ENOX1: variants seen among roughly 807,000 people sequenced by gnomAD.
ENOX1 encodes the protein ecto-NOX disulfide-thiol exchanger 1.
Under a neutral mutation model 82.5 loss-of-function variants are expected in ENOX1, and 42 were observed. The ratio of observed to expected loss-of-function variants is 0.51; its 90% CI spans 0.40 to 0.66. The LOEUF (loss-of-function observed/expected upper bound fraction) is 0.66, where lower values mean the gene tolerates loss of function less well. Among genes scored for constraint, ENOX1 ranks in the 30% least tolerant of loss-of-function variants. The pLI is 0.00. For synonymous variants in ENOX1, 271 were observed against 282.2 expected (o/e 0.96, Z 0.40); for missense variants, 608 against 811.6 (o/e 0.75, Z 3.05).
intron 8 of ENOX1, 87 bp downstream of exon 8, chr13:43,355,832 G>T: frequency 1.6e-6 from 2 of 1,277,036 alleles, no homozygotes; most frequent in South Asian, 2.7e-5. Flanking sequence ...GTGCTGAAGG[G>T]ACAATGGTGG....
chr13:43,604,146 G>A (rs2081872719), intron 2 of ENOX1, among the ~76,000 whole-genome samples: 2 of 150,972 alleles, frequency 1.3e-5, no homozygotes, highest in South Asian at 4.2e-4. Context: ...CAGTGATGGC[G>A]AGCATTTTTT....
chr13:43,658,375 A>G (rs2084549006), intron 2 of ENOX1, among the ~76,000 whole-genome samples: 1 of 152,150 alleles, frequency 6.6e-6, no homozygotes, highest in Admixed American at 6.5e-5. Flanking sequence ...TGACCTCCCA[A>G]TGAGGAAGAT....
intron 1 of ENOX1, among the ~76,000 whole-genome samples, chr13:43,740,984 T>C (rs1468777302): frequency 1.3e-5 from 2 of 152,190 alleles, no homozygotes. Context: ...TTTTCAGTTC[T>C]CTCGGGTAAA....
chr13:43,610,441 T>C (rs1446983202), intron 2 of ENOX1, among the ~76,000 whole-genome samples: 2 of 152,204 alleles, frequency 1.3e-5, no homozygotes, highest in Non-Finnish European at 2.9e-5. Flanking sequence ...CCATTCAAAA[T>C]GATATTTTTA....
intron 1 of ENOX1, among the ~76,000 whole-genome samples, chr13:43,776,324 G>T (rs1951916309): frequency 1.3e-5 from 2 of 152,158 alleles, no homozygotes; most frequent in African/African-American, 4.8e-5. Flanking sequence ...AAAAAGAGGT[G>T]CTTGGAAACC....
intron 2 of ENOX1, among the ~76,000 whole-genome samples, chr13:43,515,065 C>A (rs1163444100): frequency 6.6e-6 from 1 of 152,122 alleles, no homozygotes; most frequent in Non-Finnish European, 1.5e-5. Flanking sequence ...AATATTAACC[C>A]CACAGAAAGA....
intron 14 of ENOX1, among the ~76,000 whole-genome samples, 159 bp downstream of exon 14, chr13:43,265,239 G>A (rs1566372384): frequency 6.6e-6 from 1 of 152,234 alleles, no homozygotes; most frequent in Non-Finnish European, 1.5e-5. Flanking sequence ...CAATAGCAGT[G>A]CCTGTCAATC....
intron 5 of ENOX1, among the ~76,000 whole-genome samples, chr13:43,402,133 TTATAAA>T (rs1450289356): frequency 2.6e-5 from 4 of 152,124 alleles, no homozygotes; most frequent in Admixed American, 2.6e-4. Flanking sequence ...AAAACAGCTA[TTATAAA>T]TATACTCCAT....
chr13:43,234,293 T>A (rs2042420265), intron 15 of ENOX1, among the ~76,000 whole-genome samples: 1 of 152,138 alleles, frequency 6.6e-6, no homozygotes, highest in South Asian at 2.1e-4. Context: ...AGAGTAGAAG[T>A]ATATAGATGT....
intron 5 of ENOX1, among the ~76,000 whole-genome samples, chr13:43,407,774 T>C (rs1013346912): frequency 1.3e-5 from 2 of 151,924 alleles, no homozygotes; most frequent in East Asian, 3.9e-4. Flanking sequence ...CCACTCTACC[T>C]TACAACAGTG....
chr13:43,715,139 G>A (rs1311939599), intron 1 of ENOX1, among the ~76,000 whole-genome samples: 2 of 152,108 alleles, frequency 1.3e-5, no homozygotes, highest in Admixed American at 6.5e-5. Context: ...TTGCTTGTCT[G>A]TAAAGTATTT....
At chr13:43,560,771 C>T (rs773360102) in intron 2 of ENOX1, among the ~76,000 whole-genome samples, 10 of 152,220 alleles carry the variant, frequency 6.6e-5, no homozygotes, top group South Asian at 2.1e-4. Flanking sequence ...GATTGTATGG[C>T]GCCAGCCATC....
rs1593950447 is a variant in ENOX1, at chr13:43,326,322, G to T, written c.1143+97C>A. The T allele has an allele frequency of 3.1e-6, 3 of 967,840 alleles. No individual in the cohort carries two copies. The Admixed American group carries it at 6.3e-5, about 20-fold the overall frequency. The allele number at this position is 967,840 out of a possible 1,614,324, so 60.0% of individuals were successfully genotyped here. Reference sequence around the variant, plus strand: ...GAGATCAGACAATGGCAGGCGGACTGCCCACTATAACAGAAACCATCATGG... The same window carrying T: ...GAGATCAGACAATGGCAGGCGGACTTCCCACTATAACAGAAACCATCATGG... On this transcript the variant is annotated intron_variant, in intron 10 of 16. Coordinates refer to ENST00000690772, the MANE Select transcript of ENOX1 (RefSeq NM_001347969.2).
Position 43,699,991 on chromosome 13 carries a change from A to G in ENOX1, c.-284-32447T>C, listed in dbSNP as rs143192966. ...TTCTTCTATTTTGAACTATATATTA[A>G]TTGTTCATTATAGTCACCCTACTGT... is the stretch of plus-strand genomic sequence containing the variant. On this transcript the variant is annotated intron_variant, in intron 1 of 16. Transcript: ENST00000690772. Among the ~76,000 whole-genome samples the G allele has an allele frequency of 1.3e-3, 196 of 152,240 alleles. 4 individuals carry two copies. The East Asian group carries it at 0.036, about 28-fold the overall frequency.
chr13:43,561,567 C>G (rs2079669584), intron 2 of ENOX1, among the ~76,000 whole-genome samples: 1 of 152,050 alleles, frequency 6.6e-6, no homozygotes, highest in Non-Finnish European at 1.5e-5. Context: ...TGTGGCATAT[C>G]AATATAGTAA....
intron 2 of ENOX1, among the ~76,000 whole-genome samples, chr13:43,624,093 T>G (rs1004652182): frequency 1.3e-5 from 2 of 152,216 alleles, no homozygotes; most frequent in African/African-American, 4.8e-5. Context: ...CATTTGATGT[T>G]GTCAGTAGTT....
intron 12 of ENOX1, among the ~76,000 whole-genome samples, chr13:43,290,469 G>A (rs2045936644): frequency 6.6e-6 from 1 of 152,058 alleles, no homozygotes. Flanking sequence ...TGTAGTTGGA[G>A]GCCTTAATCC....
chr13:43,457,653 G>A (rs750108582), intron 3 of ENOX1, among the ~76,000 whole-genome samples: 8 of 152,038 alleles, frequency 5.3e-5, no homozygotes, highest in East Asian at 3.9e-4. Context: ...GATAAATTTC[G>A]GAAAATCATC....
chr13:43,292,623 T>TA (rs34528970), intron 12 of ENOX1, among the ~76,000 whole-genome samples: 55,140 of 149,030 alleles, frequency 0.37, 10,152 homozygotes, highest in South Asian at 0.54. Flanking sequence ...GGACAAGGTT[T>TA]AAAAAAAAAA....
Sources: gnomAD v4.1 joint callset for allele counts (sites outside exome capture counted in the v4.1 genomes callset) on GRCh38, gnomAD v4.1.1 for gene constraint, MANE v1.5 for transcripts, NCBI Gene and HGNC (gene_info 2026-07-23, HGNC 2026-07-21) for gene names.